ZNF273: variants seen among roughly 807,000 people sequenced by gnomAD.
The protein encoded by ZNF273 is zinc finger protein 273.
Under a neutral mutation model 14.9 loss-of-function variants are expected in ZNF273, and 11 were observed. The ratio of observed to expected loss-of-function variants is 0.74; its 90% CI spans 0.46 to 1.22. The LOEUF is 1.22. Among genes scored for constraint, ZNF273 ranks in the 50% most tolerant of loss-of-function variants. The pLI is 0.00. For synonymous variants in ZNF273, 199 were observed against 223.9 expected (o/e 0.89, Z 0.99); for missense variants, 577 against 660.6 (o/e 0.87, Z 1.39).
downstream of ZNF273, among the ~76,000 whole-genome samples, chr7:64,892,916 G>A (rs939085669): frequency 6.6e-6 from 1 of 152,160 alleles, no homozygotes; most frequent in Non-Finnish European, 1.5e-5. Flanking sequence ...TTCCTGAGCT[G>A]CATCATATTG....
At chr7:64,918,684 A>AAAAAAAAAG (rs1794199682) in intron 3 of ZNF273, among the ~76,000 whole-genome samples, 1 of 124,422 alleles carries the variant, frequency 8.0e-6, no homozygotes, top group Non-Finnish European at 1.8e-5. Context: ...AAAAAAAAAA[A>AAAAAAAAAG]AAAATGTGAT....
intron 3 of ZNF273, among the ~76,000 whole-genome samples, chr7:64,926,528 GTAT>G (rs1247217588): frequency 6.6e-6 from 1 of 151,252 alleles, no homozygotes; most frequent in Non-Finnish European, 1.5e-5. Flanking sequence ...AATTCATTGA[GTAT>G]TATTCAATTT....
At chr7:64,920,124 A>C (rs899178209) in intron 3 of ZNF273, among the ~76,000 whole-genome samples, 4 of 151,960 alleles carry the variant, frequency 2.6e-5, no homozygotes, top group Non-Finnish European at 4.4e-5. Context: ...TGTAGTGGAG[A>C]GGGGTTGTAG....
At position 64,928,707 on chromosome 7, in the gene ZNF273, G is replaced by A. The variant is rs1408127032; in HGVS notation, c.1379G>A (p.Cys460Tyr). The change falls in exon 4 of 4, where the codon TGT (cysteine) becomes TAT (tyrosine). Residue 460 changes from cysteine to tyrosine, a missense_variant. Coordinates refer to ENST00000476120, the MANE Select transcript of ZNF273 (RefSeq NM_021148.3). ...CATACTGGAGCAAAACCTTACAAAT[G>A]TGAAGAATGTGGCAGTGCCTTTAGG... Reference protein sequence around the residue: ...IIHTGAKPYKCEECGSAFRAF... With the variant: ...IIHTGAKPYKYEECGSAFRAF... 3 of 1,606,262 alleles carry A rather than the reference G, an allele frequency of 1.9e-6. No individual in the cohort carries two copies. Among genetic ancestry groups the A allele is most frequent in the African/African-American group, 1.3e-5 (1 of 74,610 alleles).
At chr7:64,924,442 T>A (rs1183218361) in intron 3 of ZNF273, 1 of 152,218 alleles carries the variant, frequency 6.6e-6, no homozygotes, top group African/African-American at 2.4e-5. Flanking sequence ...TATATTGTTC[T>A]CTATGTGTTT....
At position 64,917,560 on chromosome 7, in the gene ZNF273, T is replaced by G. The variant is rs765864989; in HGVS notation, c.103-21T>G. 1.1e-5 allele frequency: 17 copies of G among 1,584,698 alleles called. No homozygotes were observed. In the South Asian group the frequency reaches 1.4e-4, roughly 13 times the overall value. On this transcript the variant is annotated intron_variant, in intron 1 of 3. Coordinates refer to ENST00000476120, the MANE Select transcript of ZNF273 (RefSeq NM_021148.3). ...CCAGAGCAAGTTGGTAAATATGTTT[T>G]TGTGTGTGTGTGTTTTTCAGGGACC...
At chr7:64,880,429 G>C (rs956606464), downstream of ZNF273, among the ~76,000 whole-genome samples, 1 of 152,086 alleles carries the variant, frequency 6.6e-6, no homozygotes, top group Non-Finnish European at 1.5e-5. Flanking sequence ...GCAGAACCGC[G>C]CTGCCTCAGA....
rs537061179 is a variant in ZNF273 at position 64,897,047 on chromosome 7, C to T, written n.489-301C>T. 2.0e-5 allele frequency among the ~76,000 whole-genome samples: 3 copies of T among 152,276 alleles called. No individual in the cohort carries two copies. In the South Asian group the frequency reaches 6.2e-4, roughly 32 times the overall value. On this transcript the variant is annotated intron_variant and non_coding_transcript_variant, in intron 3 of 7. Coordinates refer to the ZNF273 transcript ENST00000527278. The stretch of plus-strand genomic sequence containing the variant: ...TTATGCTAAGTAAAATAAGTCAGCA[C>T]AAAAACTATAGAAGCAGAGAGTAGA...
chr7:64,928,608 A>G lies in ZNF273; in HGVS notation c.1280A>G (p.Glu427Gly). 1 of 1,613,300 alleles carries G rather than the reference A, an allele frequency of 6.2e-7. No individual in the cohort carries two copies. Among genetic ancestry groups the G allele is most frequent in the East Asian group, 2.2e-5 (1 of 44,864 alleles). Reference sequence around the variant, plus strand: ...AAACATAAGAGAATTTATACTAAAGAGAAACCATACAAATGTGAAGAATGT... The same window carrying G: ...AAACATAAGAGAATTTATACTAAAGGGAAACCATACAAATGTGAAGAATGT... The part of the protein sequence containing the change: ...LTKHKRIYTK[E>G]KPYKCEECGK... The change falls in exon 4 of 4, where the codon GAG becomes GGG. Residue 427 changes from glutamate (E) to glycine (G), a missense_variant. This residue lies in a region of ZNF273 where 411 missense variants were observed against 440.4 expected (regional missense o/e 0.93). Transcript: ENST00000476120.
chr7:64,931,600 A>T (rs1229681353), downstream of ZNF273, among the ~76,000 whole-genome samples: 1 of 152,122 alleles, frequency 6.6e-6, no homozygotes, highest in Non-Finnish European at 1.5e-5. Context: ...CGACTTTTTT[A>T]AAGTTATTCT....
At chr7:64,908,297 T>A (rs2129061922) in intron 1 of ZNF273, among the ~76,000 whole-genome samples, 1 of 152,378 alleles carries the variant, frequency 6.6e-6, no homozygotes, top group South Asian at 2.1e-4. Flanking sequence ...ATTTGTTATA[T>A]ACATAAAATT....
chr7:64,920,897 A>G (rs1394538321), intron 3 of ZNF273, among the ~76,000 whole-genome samples: 2 of 151,566 alleles, frequency 1.3e-5, no homozygotes, highest in Non-Finnish European at 3.0e-5. Flanking sequence ...TGATTCTCTC[A>G]TAGAGGCATT....
At chr7:64,935,733 GCTGGTCTGGAACTC>G (rs1354624045), downstream of ZNF273, among the ~76,000 whole-genome samples, 2 of 152,028 alleles carry the variant, frequency 1.3e-5, no homozygotes, top group Admixed American at 1.3e-4. Flanking sequence ...TATTGACGAG[GCTGGTCTGGAACTC>G]CTGACCTCCA....
chr7:64,884,834 G>A (rs1329454672), intron 1 of ZNF273, among the ~76,000 whole-genome samples: 2 of 152,230 alleles, frequency 1.3e-5, no homozygotes, highest in Non-Finnish European at 2.9e-5. Context: ...CCCGACTAAT[G>A]AGACGGCCCG....
intron 3 of ZNF273, among the ~76,000 whole-genome samples, chr7:64,896,198 A>C (rs1157651285): frequency 6.6e-6 from 1 of 152,182 alleles, no homozygotes; most frequent in African/African-American, 2.4e-5. Flanking sequence ...CACTTGATTC[A>C]AAACCAACCT....
chr7:64,900,681 G>C (rs942849270), upstream of ZNF273, among the ~76,000 whole-genome samples: 1 of 152,158 alleles, frequency 6.6e-6, no homozygotes, highest in African/African-American at 2.4e-5. Flanking sequence ...GGGGCGGCCA[G>C]ATTTTCACAC....
At chr7:64,903,017 A>G (rs1792826744), upstream of ZNF273, among the ~76,000 whole-genome samples, 1 of 152,162 alleles carries the variant, frequency 6.6e-6, no homozygotes, top group South Asian at 2.1e-4. Flanking sequence ...ATATGACCTT[A>G]TACACAAGGT....
rs879621106 is a variant in ZNF273, at chr7:64,929,195, T to C, written c.*157T>C. 3.8e-5 allele frequency: 9 copies of C among 234,832 alleles called. No individual in the cohort carries two copies. In the Admixed American group the frequency reaches 7.7e-4, roughly 20 times the overall value. 14.5% of individuals were successfully genotyped at this position (234,832 alleles called of 1,614,324 possible). Reference sequence around the variant, plus strand: ...AATTGTATAAAGAATGGAAAAGTCATTAATATCTGCTCATATCTTAACATC... The same window carrying C: ...AATTGTATAAAGAATGGAAAAGTCACTAATATCTGCTCATATCTTAACATC... On this transcript the variant is annotated 3_prime_UTR_variant, in exon 4 of 4. Coordinates refer to ENST00000476120, the MANE Select transcript of ZNF273 (RefSeq NM_021148.3).
rs1272927325 is a variant in ZNF273 at position 64,930,661 on chromosome 7, CTT to C, written c.*1626_*1627del. 1 of 152,120 alleles carries C rather than the reference CTT, an allele frequency of 6.6e-6. No individual in the cohort carries two copies. The highest frequency in any genetic ancestry group is 1.9e-4 in the East Asian group (1 of 5,196). 9.4% of individuals were successfully genotyped at this position (152,120 alleles called of 1,614,324 possible). On this transcript the variant is annotated 3_prime_UTR_variant, in exon 4 of 4. Coordinates refer to ENST00000476120, the MANE Select transcript of ZNF273 (RefSeq NM_021148.3). The stretch of plus-strand genomic sequence containing the variant: ...AGTGGACTAACATTTTTAGTAATCT[CTT>C]TTGCCAGTGGCTTTAAACTGCAGAT...
Sources: allele counts gnomAD v4.1 joint callset (sites outside exome capture counted in the v4.1 genomes callset), GRCh38; gene constraint gnomAD v4.1.1; regional missense constraint gnomAD v4.1.1; transcripts MANE v1.5; gene names NCBI Gene and HGNC (gene_info 2026-07-23, HGNC 2026-07-21).